SPINK4: variants seen among roughly 807,000 people sequenced by gnomAD.
The protein encoded by SPINK4 is serine peptidase inhibitor Kazal type 4.
A neutral mutation model predicts 12.3 loss-of-function variants in SPINK4; 10 were observed. The observed-to-expected ratio is 0.81, with a 90% CI of 0.50 to 1.37. The LOEUF is 1.37. Ranked by LOEUF, SPINK4 falls within the 40% of genes most tolerant of loss-of-function variation. SPINK4 has a pLI of 0.00. For synonymous variants in SPINK4, 37 were observed against 40.2 expected (o/e 0.92, Z 0.30); for missense variants, 91 against 109.0 (o/e 0.84, Z 0.73).
Position 33,241,645 on chromosome 9 carries a change from A to G in SPINK4, c.61+1376A>G, listed in dbSNP as rs1027037057. Among the ~76,000 whole-genome samples, 3 of 151,970 alleles carry G rather than the reference A, an allele frequency of 2.0e-5. No homozygotes were observed. In the South Asian group the frequency reaches 6.2e-4, roughly 31 times the overall value. On this transcript the variant is annotated intron_variant, in intron 1 of 3. Coordinates refer to ENST00000379721, the MANE Select transcript of SPINK4 (RefSeq NM_014471.3). Reference sequence around the variant, plus strand: ...ACCTACTCCTTGAGCAGTTGGGAACACTGAAAAGCCTGCTCTGAAGAAGTT... The same window carrying G: ...ACCTACTCCTTGAGCAGTTGGGAACGCTGAAAAGCCTGCTCTGAAGAAGTT...
chr9:33,244,324 C>T (rs114175550), intron 1 of SPINK4, among the ~76,000 whole-genome samples: 5,553 of 152,258 alleles, frequency 0.036, 273 homozygotes, highest in African/African-American at 0.1. Flanking sequence ...AACTGCATTG[C>T]GTCACCTCTT....
At chr9:33,248,123 C>T (rs768452398) in intron 3 of SPINK4, 104 of 377,608 alleles carry the variant, frequency 2.8e-4, no homozygotes, top group Non-Finnish European at 4.7e-4. Flanking sequence ...GGACATCCCA[C>T]TGGATATGGA....
chr9:33,246,592 C>T (rs749684317), intron 2 of SPINK4, 24 bp from the exon 3 acceptor site: 4 of 1,600,600 alleles, frequency 2.5e-6, no homozygotes, highest in South Asian at 1.1e-5. Flanking sequence ...TCCCTGAGTC[C>T]TCTCCCTCCC....
chr9:33,248,189 T>C, intron 3 of SPINK4: 1 of 550,190 alleles, frequency 1.8e-6, no homozygotes, highest in Non-Finnish European at 3.2e-6. Flanking sequence ...TTGGCAGCCA[T>C]CAGCGTGCGC....
chr9:33,248,039 G>C (rs931380853), intron 3 of SPINK4: 4 of 195,518 alleles, frequency 2.0e-5, no homozygotes, highest in Non-Finnish European at 3.2e-5. Context: ...GGTTTCATGG[G>C]CTGAGATGGG....
chr9:33,243,255 T>C (rs1820256508), intron 1 of SPINK4, among the ~76,000 whole-genome samples: 1 of 152,018 alleles, frequency 6.6e-6, no homozygotes, highest in South Asian at 2.1e-4. Flanking sequence ...GTATTTTTAG[T>C]AGATATGGGG....
intron 3 of SPINK4, 195 bp from the exon 4 acceptor site, chr9:33,248,231 C>T: frequency 1.7e-6 from 1 of 584,726 alleles, no homozygotes; most frequent in Admixed American, 3.1e-5. Flanking sequence ...GCTAAAATCC[C>T]CCAGGGGAAG....
chr9:33,240,203 A>C lies in SPINK4; in HGVS notation c.-6A>C. On this transcript the variant is annotated 5_prime_UTR_variant, in exon 1 of 4. Coordinates refer to ENST00000379721, the MANE Select transcript of SPINK4 (RefSeq NM_014471.3). Reference sequence around the variant, plus strand: ...CCAGCTCAGGCTACACTATCCCAGGATCAGCATGGCCGTCCGCCAGTGGGT... The same window carrying C: ...CCAGCTCAGGCTACACTATCCCAGGCTCAGCATGGCCGTCCGCCAGTGGGT... 1 of 1,603,608 alleles carries C rather than the reference A, an allele frequency of 6.2e-7. No individual in the cohort carries two copies. Among genetic ancestry groups the C allele is most frequent in the Non-Finnish European group, 8.5e-7 (1 of 1,175,314 alleles).
chr9:33,240,417 G>T, intron 1 of SPINK4, 148 bp downstream of exon 1: 1 of 687,674 alleles, frequency 1.5e-6, no homozygotes, highest in Non-Finnish European at 2.3e-6. Context: ...CTGTGCTGGG[G>T]AAAGTTCTGG....
At chr9:33,241,272 T>C (rs1322036141) in intron 1 of SPINK4, among the ~76,000 whole-genome samples, 5 of 152,198 alleles carry the variant, frequency 3.3e-5, no homozygotes, top group Non-Finnish European at 7.4e-5. Flanking sequence ...AAATTGGAAC[T>C]GTACCGGGAA....
chr9:33,240,879 C>G lies in SPINK4; in HGVS notation c.61+610C>G, dbSNP rs111248773. 2.6e-5 allele frequency among the ~76,000 whole-genome samples: 4 copies of G among 152,260 alleles called. 1 individual carries two copies. The highest frequency in any genetic ancestry group is 9.6e-5 in the African/African-American group (4 of 41,548). ...AGATTAGTGACCCAAACAGAAAAAG[C>G]ACGGTCCTGATGGAGCATAAATCCA... On this transcript the variant is annotated intron_variant, in intron 1 of 3. Transcript: ENST00000379721.
chr9:33,240,384 T>TC, intron 1 of SPINK4, 115 bp downstream of exon 1: 1 of 864,804 alleles, frequency 1.2e-6, no homozygotes, highest in Non-Finnish European at 1.7e-6. Context: ...CCATGTACCT[T>TC]CATTCTGCAT....
At chr9:33,242,984 T>G (rs113909037) in intron 1 of SPINK4, among the ~76,000 whole-genome samples, 4 of 151,968 alleles carry the variant, frequency 2.6e-5, no homozygotes, top group African/African-American at 9.7e-5. Flanking sequence ...CAAACGATCC[T>G]CCTATCTCAG....
At chr9:33,244,798 C>T (rs1232148792) in intron 1 of SPINK4, among the ~76,000 whole-genome samples, 6 of 152,104 alleles carry the variant, frequency 3.9e-5, no homozygotes, top group South Asian at 2.1e-4. Context: ...TCTCAATGCC[C>T]GGCACATAAT....
At chr9:33,245,960 G>A (rs925960150) in intron 2 of SPINK4, among the ~76,000 whole-genome samples, 3 of 152,148 alleles carry the variant, frequency 2.0e-5, no homozygotes, top group Non-Finnish European at 4.4e-5. Flanking sequence ...GGGCCTTCAC[G>A]GTTGCACCGC....
At chr9:33,245,067 G>A (rs761733713) in intron 1 of SPINK4, 45 bp from the exon 2 acceptor site, 1 of 1,603,646 alleles carries the variant, frequency 6.2e-7, no homozygotes, top group Non-Finnish European at 8.5e-7. Context: ...CTAGACCTGG[G>A]GTCTAGAGCC....
chr9:33,247,830 T>C (rs899584783), intron 3 of SPINK4: 1 of 153,508 alleles, frequency 6.5e-6, no homozygotes, highest in Non-Finnish European at 1.5e-5. Context: ...TCTGGATAGA[T>C]GTGAAAGTTT....
intron 1 of SPINK4, among the ~76,000 whole-genome samples, chr9:33,241,874 T>A (rs75120811): frequency 6.6e-6 from 1 of 152,004 alleles, no homozygotes; most frequent in Non-Finnish European, 1.5e-5. Flanking sequence ...TTTTTTTTTT[T>A]ATTTAAACAA....
chr9:33,243,550 T>C (rs1023543280), intron 1 of SPINK4, among the ~76,000 whole-genome samples: 2 of 152,164 alleles, frequency 1.3e-5, no homozygotes, highest in African/African-American at 2.4e-5. Context: ...TATAATCTTT[T>C]GTGTGTGGTT....
Sources: gnomAD v4.1 joint callset for allele counts (sites outside exome capture counted in the v4.1 genomes callset) on GRCh38, gnomAD v4.1.1 for gene constraint, MANE v1.5 for transcripts, NCBI Gene and HGNC (gene_info 2026-07-23, HGNC 2026-07-21) for gene names.